COX7B2: variants seen among roughly 807,000 people sequenced by gnomAD.
COX7B2 encodes the protein cytochrome c oxidase subunit 7B2.
For synonymous variants in COX7B2, 37 were observed against 32.1 expected, an observed-to-expected ratio of 1.15 and a Z score of -0.51; for missense variants, 109 against 95.9, an observed-to-expected ratio of 1.14 and a Z score of -0.57.
At chr4:46,839,135 G>C (rs1334808715) in intron 2 of COX7B2, among the ~76,000 whole-genome samples, 1 of 151,948 alleles carries the variant, frequency 6.6e-6, no homozygotes, top group East Asian at 1.9e-4. Context: ...AGACTTTGCT[G>C]AGACTCCCAG....
At chr4:46,901,831 T>C (rs1441126666) in intron 1 of COX7B2, among the ~76,000 whole-genome samples, 1 of 152,224 alleles carries the variant, frequency 6.6e-6, no homozygotes, top group Non-Finnish European at 1.5e-5. Context: ...CAAAGACTTA[T>C]ATCAGTGGTC....
At chr4:46,795,488 T>G (rs1718276565) in intron 2 of COX7B2, among the ~76,000 whole-genome samples, 7 of 140,386 alleles carry the variant, frequency 5.0e-5, no homozygotes, top group African/African-American at 2.0e-4. Flanking sequence ...TTTCTCAGGT[T>G]TGTCAAAGAT....
intron 2 of COX7B2, among the ~76,000 whole-genome samples, chr4:46,739,123 C>T (rs1360685876): frequency 6.6e-6 from 1 of 151,970 alleles, no homozygotes; most frequent in Non-Finnish European, 1.5e-5. Context: ...TGAGTATATA[C>T]CTGTGTGTTA....
intron 2 of COX7B2, among the ~76,000 whole-genome samples, chr4:46,788,771 A>G (rs963193323): frequency 6.6e-6 from 1 of 152,218 alleles, no homozygotes; most frequent in East Asian, 1.9e-4. Flanking sequence ...GAAATGCTAT[A>G]GGAAAAAAAC....
intron 2 of COX7B2, among the ~76,000 whole-genome samples, chr4:46,791,046 C>A (rs1168150273): frequency 6.6e-6 from 1 of 152,186 alleles, no homozygotes; most frequent in Non-Finnish European, 1.5e-5. Context: ...GCCACCCAGG[C>A]TGGAGTGCAG....
At chr4:46,769,718 A>G (rs900629846) in intron 2 of COX7B2, among the ~76,000 whole-genome samples, 1 of 152,224 alleles carries the variant, frequency 6.6e-6, no homozygotes, top group Non-Finnish European at 1.5e-5. Flanking sequence ...CTGTCTTAAG[A>G]AAAGAAAAAC....
chr4:46,842,870 A>G (rs983511661), intron 2 of COX7B2, among the ~76,000 whole-genome samples: 2 of 152,080 alleles, frequency 1.3e-5, no homozygotes, highest in African/African-American at 4.8e-5. Context: ...ATACGTGTGC[A>G]TGTGTCTTTA....
At chr4:46,768,318 C>G (rs1004040321) in intron 2 of COX7B2, among the ~76,000 whole-genome samples, 1 of 152,148 alleles carries the variant, frequency 6.6e-6, no homozygotes, top group Non-Finnish European at 1.5e-5. Context: ...TTCAGCCGTC[C>G]CCACGCAAAT....
chr4:46,763,051 A>ATAT, intron 2 of COX7B2, among the ~76,000 whole-genome samples: 1 of 116,772 alleles, frequency 8.6e-6, no homozygotes, highest in Non-Finnish European at 1.7e-5. Flanking sequence ...TATATATTAT[A>ATAT]ATATGTAATA....
intron 2 of COX7B2, among the ~76,000 whole-genome samples, chr4:46,753,087 A>G (rs994681740): frequency 8.5e-5 from 13 of 152,172 alleles, no homozygotes; most frequent in Non-Finnish European, 1.6e-4. Flanking sequence ...TATTGCCTCA[A>G]TTTCAGAGCC....
chr4:46,812,629 C>T (rs78317100), intron 2 of COX7B2, among the ~76,000 whole-genome samples: 280 of 152,274 alleles, frequency 1.8e-3, no homozygotes, highest in Middle Eastern at 3.4e-3. Context: ...GATGCTTTCA[C>T]TTCCAGAAGA....
rs141996453 is a variant in COX7B2 at position 46,891,628 on chromosome 4, T to C, written c.-105+17532A>G. On this transcript the variant is annotated intron_variant, in intron 1 of 2. Transcript: ENST00000355591. ...GATAAAAATGAAGTTTCCACATCCCTTTGAAATACATGTAGTAGACCAGTG... is the reference window on the plus strand; with the variant it reads ...GATAAAAATGAAGTTTCCACATCCCCTTGAAATACATGTAGTAGACCAGTG... Among the ~76,000 whole-genome samples the C allele has an allele frequency of 3.0e-3, 452 of 152,342 alleles. 2 individuals are homozygous for C. Among genetic ancestry groups the C allele is most frequent in the Middle Eastern group, 6.8e-3 (2 of 294 alleles).
rs543537672 is a variant in COX7B2, at chr4:46,845,343, C to T, written c.-104-329G>A. Among the ~76,000 whole-genome samples, 153 of 151,860 alleles carry T rather than the reference C, an allele frequency of 1.0e-3. No individual in the cohort carries two copies. In the Middle Eastern group the frequency reaches 0.01, roughly 10 times the overall value. Reference sequence around the variant, plus strand: ...GAGTCACCACTCACCTGTACCCAACCTCAAATGGAAGGTTCTGGCCAAGGT... The same window carrying T: ...GAGTCACCACTCACCTGTACCCAACTTCAAATGGAAGGTTCTGGCCAAGGT... On this transcript the variant is annotated intron_variant, in intron 1 of 2. Coordinates refer to ENST00000355591, the MANE Select transcript of COX7B2 (RefSeq NM_130902.3).
intron 1 of COX7B2, among the ~76,000 whole-genome samples, chr4:46,891,772 G>A (rs1428660095): frequency 1.3e-5 from 2 of 152,170 alleles, no homozygotes; most frequent in Non-Finnish European, 2.9e-5. Flanking sequence ...AAAAGCTGAA[G>A]AGACCACAGA....
intron 1 of COX7B2, among the ~76,000 whole-genome samples, chr4:46,882,645 T>C (rs1216144169): frequency 2.0e-5 from 3 of 152,178 alleles, no homozygotes; most frequent in Non-Finnish European, 4.4e-5. Flanking sequence ...GATCGCTGGG[T>C]AGATTTTCCT....
intron 2 of COX7B2, among the ~76,000 whole-genome samples, chr4:46,812,003 C>T (rs144732369): frequency 1.3e-5 from 2 of 152,124 alleles, no homozygotes; most frequent in African/African-American, 4.8e-5. Context: ...TCTTGTTTTT[C>T]TCACAGTGGG....
chr4:46,795,052 T>TCA, intron 2 of COX7B2, among the ~76,000 whole-genome samples: 13 of 149,060 alleles, frequency 8.7e-5, no homozygotes, highest in African/African-American at 2.8e-4. Flanking sequence ...GGTTGTTTGT[T>TCA]TTTTTCTTGT....
intron 2 of COX7B2, among the ~76,000 whole-genome samples, chr4:46,821,250 C>T (rs780872736): frequency 2.6e-5 from 4 of 152,148 alleles, no homozygotes; most frequent in Non-Finnish European, 5.9e-5. Flanking sequence ...AGAATTCAGT[C>T]ACTCTCATCA....
chr4:46,790,185 T>G (rs961422415), intron 2 of COX7B2, among the ~76,000 whole-genome samples: 3 of 152,170 alleles, frequency 2.0e-5, no homozygotes, highest in African/African-American at 7.2e-5. Flanking sequence ...AACGAGCAAT[T>G]TATCTGTCTT....
Sources: allele counts gnomAD v4.1 joint callset (sites outside exome capture counted in the v4.1 genomes callset), GRCh38; gene constraint gnomAD v4.1.1; transcripts MANE v1.5; gene names NCBI Gene and HGNC (gene_info 2026-07-23, HGNC 2026-07-21).